Variants in FAM184B observed in about 807,000 individuals in gnomAD.
The protein encoded by FAM184B is family with sequence similarity 184 member B, also known as protein FAM184B.
FAM184B carries 111 observed loss-of-function variants against 135.9 expected under a neutral mutation model. The observed-to-expected ratio is 0.82, with a 90% CI of 0.70 to 0.96. The LOEUF is 0.96. Among genes scored for constraint, FAM184B ranks in the 40% least tolerant of loss-of-function variants. The pLI is 0.00. For synonymous variants in FAM184B, 552 were observed against 524.8 expected (o/e 1.05, Z -0.71); for missense variants, 1,375 against 1,323.9 (o/e 1.04, Z -0.60).
At chr4:17,667,871 T>C (rs1405143926) in intron 7 of FAM184B, among the ~76,000 whole-genome samples, 1 of 152,246 alleles carries the variant, frequency 6.6e-6, no homozygotes, top group Non-Finnish European at 1.5e-5. Flanking sequence ...GCTCACCTTA[T>C]TGGCCAGGGC....
intron 1 of FAM184B, among the ~76,000 whole-genome samples, chr4:17,721,810 T>C (rs1386436132): frequency 6.6e-6 from 1 of 152,216 alleles, no homozygotes; most frequent in East Asian, 1.9e-4. Context: ...ATATGCATTT[T>C]TAACATTCCC....
intron 1 of FAM184B, among the ~76,000 whole-genome samples, chr4:17,713,207 G>T (rs775730924): frequency 2.5e-4 from 38 of 152,194 alleles, no homozygotes; most frequent in Non-Finnish European, 7.3e-5. Context: ...AAAGGAGTCA[G>T]AACTCCATCT....
chr4:17,639,441 T>G, intron 13 of FAM184B, 45 bp from the exon 14 acceptor site: 3 of 1,545,958 alleles, frequency 1.9e-6, no homozygotes, highest in Non-Finnish European at 2.6e-6. Context: ...GCTCCAGGGA[T>G]GGCACCCCTT....
intron 1 of FAM184B, among the ~76,000 whole-genome samples, chr4:17,742,678 CTT>C (rs977484585): frequency 6.6e-6 from 1 of 152,232 alleles, no homozygotes. Context: ...ATGCAGCTAA[CTT>C]CAGACAGTGC....
intron 7 of FAM184B, among the ~76,000 whole-genome samples, chr4:17,669,684 G>A (rs116716444): frequency 1.1e-4 from 16 of 152,256 alleles, no homozygotes; most frequent in African/African-American, 3.9e-4. Flanking sequence ...GCCCTCTAAC[G>A]ATAGAGCCTG....
intron 1 of FAM184B, among the ~76,000 whole-genome samples, chr4:17,741,794 G>C (rs1718041566): frequency 1.3e-5 from 2 of 152,156 alleles, no homozygotes; most frequent in African/African-American, 4.8e-5. Context: ...CCCACTCACA[G>C]AAAGACAAAG....
chr4:17,705,759 T>A lies in FAM184B; in HGVS notation c.1163A>T (p.Asp388Val). The A allele has an allele frequency of 6.4e-7, 1 of 1,551,818 alleles. No individual in the cohort carries two copies. Among genetic ancestry groups the A allele is most frequent in the Non-Finnish European group, 8.7e-7 (1 of 1,147,012 alleles). ...KECPCMKGGTDMQTKKEASAE... is the reference protein window; with the variant it reads ...KECPCMKGGTVMQTKKEASAE... The stretch of plus-strand genomic sequence containing the variant: ...GGCTGGGTCAGACACTACCTGCATA[T>A]CTGTGCCTCCTTTCATGCAAGGGCA... Residue 388 changes from aspartate (D) to valine (V), a missense_variant, in exon 4 of 18, where the codon GAT becomes GTT. Physicochemically the swap from Asp to Val is radical, Grantham distance 152. Transcript: ENST00000265018.
In FAM184B at chr4:17,703,283, G is replaced by C. The variant is rs570910166; in HGVS notation, c.1377+1717C>G. 2.0e-5 allele frequency among the ~76,000 whole-genome samples: 3 copies of C among 151,842 alleles called. 1 individual carries two copies. The highest frequency in any genetic ancestry group is 7.2e-5 in the African/African-American group (3 of 41,416). Reference sequence around the variant, plus strand: ...AGGCTAAGGTGGGAGGATCCCTTGAGTCCAGGAGTTCGAGACCAGCTGGGC... The same window carrying C: ...AGGCTAAGGTGGGAGGATCCCTTGACTCCAGGAGTTCGAGACCAGCTGGGC... On this transcript the variant is annotated intron_variant, in intron 5 of 17. Coordinates refer to ENST00000265018, the MANE Select transcript of FAM184B (RefSeq NM_015688.2).
chr4:17,707,899 G>T, intron 2 of FAM184B, 115 bp from the exon 3 acceptor site: 1 of 1,193,670 alleles, frequency 8.4e-7, no homozygotes, highest in South Asian at 1.6e-5. Context: ...CAGAAGCCCT[G>T]AGTCAGTGGA....
At chr4:17,764,714 T>A (rs568963919) in intron 1 of FAM184B, among the ~76,000 whole-genome samples, 1 of 152,296 alleles carries the variant, frequency 6.6e-6, no homozygotes, top group Non-Finnish European at 1.5e-5. Flanking sequence ...GTAAAGATCC[T>A]TGATCATCCT....
intron 17 of FAM184B, chr4:17,632,910 A>G (rs1715005033): frequency 4.1e-6 from 1 of 245,202 alleles, no homozygotes; most frequent in South Asian, 6.4e-5. Context: ...AACCAAACCT[A>G]CAGATCAAGA....
intron 1 of FAM184B, among the ~76,000 whole-genome samples, chr4:17,709,993 A>T (rs1717219552): frequency 6.6e-6 from 1 of 152,172 alleles, no homozygotes; most frequent in Non-Finnish European, 1.5e-5. Flanking sequence ...GTTCAGAAGG[A>T]ACACTTTGGA....
At chr4:17,687,784 A>C (rs1448619112) in intron 7 of FAM184B, among the ~76,000 whole-genome samples, 1 of 152,222 alleles carries the variant, frequency 6.6e-6, no homozygotes, top group Non-Finnish European at 1.5e-5. Flanking sequence ...GGAGCCGCAC[A>C]GACCAGGTTC....
chr4:17,647,510 A>T (rs1394726864), intron 12 of FAM184B, 127 bp downstream of exon 12: 1 of 1,227,944 alleles, frequency 8.1e-7, no homozygotes. Flanking sequence ...TTGGCCTCCC[A>T]AAGTGCTAGA....
At chr4:17,693,093 C>T (rs1716772456) in intron 6 of FAM184B, among the ~76,000 whole-genome samples, 1 of 152,010 alleles carries the variant, frequency 6.6e-6, no homozygotes, top group African/African-American at 2.4e-5. Context: ...CTGTGTCCTT[C>T]TCTTATTTGA....
intron 3 of FAM184B, among the ~76,000 whole-genome samples, chr4:17,707,014 C>T (rs1053606808): frequency 6.6e-6 from 1 of 152,136 alleles, no homozygotes; most frequent in African/African-American, 2.4e-5. Flanking sequence ...TCTCGAACTC[C>T]TGATCTCAGG....
chr4:17,632,693 A>T, intron 17 of FAM184B, 68 bp from the exon 18 acceptor site: 2 of 1,033,604 alleles, frequency 1.9e-6, no homozygotes, highest in Non-Finnish European at 2.9e-6. Context: ...AATACCCACC[A>T]TCTTTTCAGG....
At chr4:17,675,235 C>T (rs1285490292) in intron 7 of FAM184B, among the ~76,000 whole-genome samples, 1 of 152,178 alleles carries the variant, frequency 6.6e-6, no homozygotes, top group Admixed American at 6.5e-5. Flanking sequence ...CTATGAGCTA[C>T]AGAATGAGTA....
intron 1 of FAM184B, among the ~76,000 whole-genome samples, chr4:17,769,182 T>C (rs1033580443): frequency 6.6e-6 from 1 of 152,184 alleles, no homozygotes; most frequent in African/African-American, 2.4e-5. Context: ...TTAAAAATTA[T>C]GTTGAAGAGT....
Sources: gnomAD v4.1 joint callset for allele counts (sites outside exome capture counted in the v4.1 genomes callset) on GRCh38, gnomAD v4.1.1 for gene constraint, MANE v1.5 for transcripts, NCBI Gene and HGNC (gene_info 2026-07-23, HGNC 2026-07-21) for gene names.